Variants in B4GALT1 observed in about 807,000 individuals in gnomAD.
B4GALT1 encodes the protein N-acetyllactosamine synthase.
A neutral mutation model predicts 34.9 loss-of-function variants in B4GALT1; 16 were observed. That is an observed-to-expected ratio of 0.46 (90% confidence interval 0.31 to 0.70). B4GALT1 has a LOEUF of 0.70. Among genes scored for constraint, B4GALT1 ranks in the 30% least tolerant of loss-of-function variants. The pLI, the probability that B4GALT1 is intolerant of heterozygous loss-of-function variation, is 0.05. For synonymous variants in B4GALT1, 221 were observed against 218.1 expected (o/e 1.01, Z -0.12); for missense variants, 445 against 530.5 (o/e 0.84, Z 1.58).
the B4GALT1 span, among the ~76,000 whole-genome samples, chr9:33,176,428 C>T: frequency 0.12 from 17,890 of 152,044 alleles, 1,771 homozygotes; most frequent in African/African-American, 0.27. Flanking sequence ...GTGCTGTGAA[C>T]CAAAACTTTA....
chr9:33,152,898 TAAGA>T (rs1468967051), intron 1 of B4GALT1, among the ~76,000 whole-genome samples: 1 of 151,632 alleles, frequency 6.6e-6, no homozygotes, highest in East Asian at 1.9e-4. Context: ...AATACTCACA[TAAGA>T]AATACAAATG....
intron 2 of B4GALT1, among the ~76,000 whole-genome samples, chr9:33,130,395 A>C (rs752775798): frequency 2.6e-5 from 4 of 151,336 alleles, no homozygotes; most frequent in African/African-American, 9.8e-5. Flanking sequence ...TTGGAATGCT[A>C]TATCTTGAAA....
chr9:33,167,127 G>A lies in B4GALT1; in HGVS notation c.43C>T (p.Pro15Ser), dbSNP rs1183848714. The A allele has an allele frequency of 1.9e-6, 3 of 1,602,136 alleles. No individual in the cohort carries two copies. The highest frequency in any genetic ancestry group is 1.7e-5 in the Admixed American group (1 of 59,288). The stretch of plus-strand genomic sequence containing the variant: ...CAGGCCCGCTGTAGGGACGCGCCTG[G>A]CATCGCGGCGCTGCCGCTCAGGAGC... ...EPLLSGSAAMPGASLQRACRL... is the reference protein window; with the variant it reads ...EPLLSGSAAMSGASLQRACRL... Residue 15 changes from proline (P) to serine (S), a missense_variant, in exon 1 of 6, where the codon CCA (proline) becomes TCA (serine). Coordinates refer to ENST00000379731, the MANE Select transcript of B4GALT1 (RefSeq NM_001497.4).
At chr9:33,133,908 C>T (rs1840229540) in intron 2 of B4GALT1, among the ~76,000 whole-genome samples, 1 of 152,222 alleles carries the variant, frequency 6.6e-6, no homozygotes. Context: ...TGCTCACTGG[C>T]CCCAGCTGAG....
rs1564044384 is a variant in B4GALT1, at chr9:33,135,228, C to T, written c.609G>A (p.Gln203=). ...YWLYYLHPVL[Q]RQQLDYGIYV... The stretch of plus-strand genomic sequence containing the variant: ...AGATGCCATAGTCCAGCTGCTGGCG[C>T]TGCAGGACTGGGTGCAAATAATATA... The change falls in exon 2 of 6, where the codon CAG becomes CAA. Residue 203 remains glutamine (Q), a synonymous_variant. Coordinates refer to ENST00000379731, the MANE Select transcript of B4GALT1 (RefSeq NM_001497.4). 1 of 1,614,220 alleles carries T rather than the reference C, an allele frequency of 6.2e-7. No individual in the cohort carries two copies. Among genetic ancestry groups the T allele is most frequent in the African/African-American group, 1.3e-5 (1 of 75,040 alleles).
At chr9:33,126,660 G>GGTAAC in intron 2 of B4GALT1, among the ~76,000 whole-genome samples, 2 of 150,442 alleles carry the variant, frequency 1.3e-5, no homozygotes, top group Admixed American at 6.7e-5. Context: ...GTTAACCATA[G>GGTAAC]CAATATGGTA....
rs1234358909 is a variant in B4GALT1 at position 33,111,264 on chromosome 9, AAAAAAAAAAAAAAAC to A, written c.*2175_*2189del. The stretch of plus-strand genomic sequence containing the variant: ...GAGAAGGTAACCAAAAAAAAAAAAA[AAAAAAAAAAAAAAAC>A]AACAAGAAAAGGTAGAGTTTGGTTT... On this transcript the variant is annotated 3_prime_UTR_variant, in exon 6 of 6. Coordinates refer to ENST00000379731, the MANE Select transcript of B4GALT1 (RefSeq NM_001497.4). 1.3e-5 allele frequency: 2 copies of A among 150,384 alleles called. No individual in the cohort carries two copies. Among genetic ancestry groups the A allele is most frequent in the East Asian group, 2.0e-4 (1 of 5,022 alleles). The allele number at this position is 150,384 out of a possible 1,614,324, so 9.3% of individuals were successfully genotyped here.
chr9:33,147,596 A>T (rs895612292), intron 1 of B4GALT1, among the ~76,000 whole-genome samples: 33 of 152,234 alleles, frequency 2.2e-4, no homozygotes, highest in African/African-American at 5.8e-4. Context: ...TGTCATAAAA[A>T]GAGACTGTTT....
chr9:33,169,758 T>C (rs1278936122), upstream of B4GALT1, among the ~76,000 whole-genome samples: 1 of 152,012 alleles, frequency 6.6e-6, no homozygotes, highest in Non-Finnish European at 1.5e-5. Context: ...TGACCTCAGG[T>C]GATCCGCCCG....
At chr9:33,137,699 GC>G (rs1840290825) in intron 1 of B4GALT1, among the ~76,000 whole-genome samples, 1 of 152,162 alleles carries the variant, frequency 6.6e-6, no homozygotes, top group African/African-American at 2.4e-5. Flanking sequence ...CTAACAAGGA[GC>G]CCAGATGATT....
chr9:33,177,861 T>A, the B4GALT1 span, among the ~76,000 whole-genome samples: 1 of 152,294 alleles, frequency 6.6e-6, no homozygotes, highest in South Asian at 2.1e-4. Flanking sequence ...CAGCTGGAAC[T>A]GTTAGCCAGG....
intron 1 of B4GALT1, among the ~76,000 whole-genome samples, chr9:33,164,859 A>C (rs368138355): frequency 6.6e-6 from 1 of 150,486 alleles, no homozygotes; most frequent in Non-Finnish European, 1.5e-5. Flanking sequence ...CTCCCCCTTC[A>C]CTCTGCTGTG....
intron 1 of B4GALT1, among the ~76,000 whole-genome samples, chr9:33,160,556 C>G (rs1220326024): frequency 6.6e-6 from 1 of 152,154 alleles, no homozygotes. Flanking sequence ...CACTTGAGCT[C>G]TGGAGTTCGA....
At chr9:33,140,847 T>C (rs1342099310) in intron 1 of B4GALT1, among the ~76,000 whole-genome samples, 1 of 152,244 alleles carries the variant, frequency 6.6e-6, no homozygotes, top group Non-Finnish European at 1.5e-5. Flanking sequence ...AAGATTTGCT[T>C]GCAGCATTCT....
In B4GALT1 at chr9:33,167,333, G is replaced by A. The variant is rs1174647454; in HGVS notation, c.-164C>T. ...GACTCCTCCAGCCAGCCAGACCTGG[G>A]AGCGGCGAGAAGCCGCCCGAGGCGC... On this transcript the variant is annotated 5_prime_UTR_variant, in exon 1 of 6. Transcript: ENST00000379731. The A allele has an allele frequency of 3.1e-6, 3 of 952,528 alleles. No individual in the cohort carries two copies. The African/African-American group carries it at 5.2e-5, about 16-fold the overall frequency. 59.0% of individuals were successfully genotyped at this position (952,528 alleles called of 1,614,324 possible). A position where few individuals can be genotyped will look rare whatever the true frequency, so the allele number is the denominator to read the frequency against.
chr9:33,183,327 A>T, the B4GALT1 span, among the ~76,000 whole-genome samples: 1 of 151,570 alleles, frequency 6.6e-6, no homozygotes, highest in Non-Finnish European at 1.5e-5. Context: ...ATAAAGACAC[A>T]TGCACACGTA....
chr9:33,169,251 A>G (rs566978907), upstream of B4GALT1, among the ~76,000 whole-genome samples: 33 of 152,278 alleles, frequency 2.2e-4, no homozygotes, highest in South Asian at 2.3e-3. Flanking sequence ...ACCCTGTTCA[A>G]TCTGGTTCCT....
At chr9:33,144,166 G>C (rs543093764) in intron 1 of B4GALT1, among the ~76,000 whole-genome samples, 1 of 152,282 alleles carries the variant, frequency 6.6e-6, no homozygotes, top group African/African-American at 2.4e-5. Flanking sequence ...TTACAGGCAT[G>C]AGCCACTGTG....
chr9:33,184,253 TACACAC>T, the B4GALT1 span, among the ~76,000 whole-genome samples: 185 of 147,208 alleles, frequency 1.3e-3, no homozygotes, highest in Middle Eastern at 7.0e-3. Context: ...GTCACTCTTG[TACACAC>T]ACACACACAC....
Sources: allele counts gnomAD v4.1 joint callset (sites outside exome capture counted in the v4.1 genomes callset), GRCh38; gene constraint gnomAD v4.1.1; transcripts MANE v1.5; gene names NCBI Gene and HGNC (gene_info 2026-07-23, HGNC 2026-07-21).